The following PDZRN4 variants were observed in gnomAD, a reference collection of about 807,000 sequenced individuals.
PDZRN4 encodes PDZ domain-containing RING finger protein 4.
A neutral mutation model predicts 99.0 loss-of-function variants in PDZRN4; 70 were observed. That is an observed-to-expected ratio of 0.71 (90% CI 0.58 to 0.86). The LOEUF (loss-of-function observed/expected upper bound fraction) is 0.86. Among genes scored for constraint, PDZRN4 ranks in the 40% least tolerant of loss-of-function variants. The pLI, the probability that PDZRN4 is intolerant of heterozygous loss-of-function variation, is 0.00. For missense variants in PDZRN4, 1,474 were observed against 1,331.2 expected (o/e 1.11, Z -1.67); for synonymous variants, 551 against 501.6 (o/e 1.10, Z -1.32).
chr12:41,284,188 G>T (rs1951407043), intron 3 of PDZRN4, among the ~76,000 whole-genome samples: 1 of 152,002 alleles, frequency 6.6e-6, no homozygotes, highest in Non-Finnish European at 1.5e-5. Context: ...AATGTGCAAA[G>T]AAATTACTAG....
At chr12:41,363,213 A>G (rs947774396) in intron 3 of PDZRN4, among the ~76,000 whole-genome samples, 1 of 152,088 alleles carries the variant, frequency 6.6e-6, no homozygotes, top group African/African-American at 2.4e-5. Flanking sequence ...GTAATTTTCT[A>G]CTACTAAATG....
chr12:41,466,274 C>T (rs529027521), intron 3 of PDZRN4, among the ~76,000 whole-genome samples: 1 of 152,270 alleles, frequency 6.6e-6, no homozygotes, highest in South Asian at 2.1e-4. Flanking sequence ...TATTGGTGTG[C>T]TCCTCATGAT....
chr12:41,308,206 CT>C (rs1951584518), intron 3 of PDZRN4, among the ~76,000 whole-genome samples: 2 of 151,940 alleles, frequency 1.3e-5, no homozygotes, highest in South Asian at 4.2e-4. Flanking sequence ...AAAAATACTT[CT>C]GGCCTCATTG....
intron 3 of PDZRN4, among the ~76,000 whole-genome samples, chr12:41,228,163 T>C (rs1010640434): frequency 1.3e-5 from 2 of 152,140 alleles, no homozygotes; most frequent in Non-Finnish European, 2.9e-5. Context: ...TACAGAACGT[T>C]ATGAACAATC....
intron 3 of PDZRN4, among the ~76,000 whole-genome samples, chr12:41,297,825 AACTG>A (rs1487830105): frequency 4.6e-5 from 7 of 152,246 alleles, no homozygotes; most frequent in South Asian, 4.2e-4. Flanking sequence ...AAATTAACCA[AACTG>A]ACTATTAGGC....
intron 8 of PDZRN4, among the ~76,000 whole-genome samples, chr12:41,565,460 A>G (rs1939351101): frequency 6.6e-6 from 1 of 151,152 alleles, no homozygotes; most frequent in Non-Finnish European, 1.5e-5. Context: ...AAAAAAAAAA[A>G]TCTTGTCTTT....
chr12:41,406,989 AG>A (rs1952355286), intron 3 of PDZRN4, among the ~76,000 whole-genome samples: 1 of 152,206 alleles, frequency 6.6e-6, no homozygotes, highest in Non-Finnish European at 1.5e-5. Flanking sequence ...TGCACTGACA[AG>A]AAATGCTACA....
intron 3 of PDZRN4, among the ~76,000 whole-genome samples, chr12:41,252,697 G>T (rs1951178971): frequency 6.6e-6 from 1 of 152,032 alleles, no homozygotes; most frequent in Non-Finnish European, 1.5e-5. Context: ...TTGAGATTGG[G>T]CCACTGCACT....
At position 41,350,339 on chromosome 12, in the gene PDZRN4, G is replaced by T. The variant is rs571444321; in HGVS notation, c.844-156117G>T. On this transcript the variant is annotated intron_variant, in intron 3 of 9. Transcript: ENST00000402685. ...TTTTTCATCAACCTGTAATGCTTGTGACTTTGTTGCCTAGACAAGATGGCA... is the reference window on the plus strand; with the variant it reads ...TTTTTCATCAACCTGTAATGCTTGTTACTTTGTTGCCTAGACAAGATGGCA... Among the ~76,000 whole-genome samples the T allele has an allele frequency of 3.9e-5, 6 of 152,146 alleles. 2 individuals carry two copies. The highest frequency in any genetic ancestry group is 1.4e-4 in the African/African-American group (6 of 41,552).
chr12:41,564,478 G>A lies in PDZRN4; in HGVS notation c.1467+829G>A, dbSNP rs537169598. On this transcript the variant is annotated intron_variant, in intron 8 of 9. Coordinates refer to ENST00000402685, the MANE Select transcript of PDZRN4 (RefSeq NM_001164595.2). ...TAGTTTGAATAAAGTTAGTTATATC[G>A]CCATTTGTCTCCTCGGTTATTGATA... 3.4e-4 allele frequency among the ~76,000 whole-genome samples: 52 copies of A among 152,170 alleles called. No homozygotes were observed. The South Asian group carries it at 8.7e-3, about 25-fold the overall frequency.
intron 3 of PDZRN4, among the ~76,000 whole-genome samples, chr12:41,418,087 C>G (rs1952458835): frequency 6.6e-6 from 1 of 151,790 alleles, no homozygotes; most frequent in Non-Finnish European, 1.5e-5. Flanking sequence ...TTATGCAGTT[C>G]TAATAGGATT....
chr12:41,436,647 G>C (rs1400768309), intron 3 of PDZRN4, among the ~76,000 whole-genome samples: 1 of 152,140 alleles, frequency 6.6e-6, no homozygotes, highest in Non-Finnish European at 1.5e-5. Context: ...GGGAACAAAA[G>C]GAATTTTCTT....
intron 3 of PDZRN4, among the ~76,000 whole-genome samples, chr12:41,280,389 G>A (rs1314012985): frequency 4.6e-5 from 7 of 152,170 alleles, no homozygotes; most frequent in Non-Finnish European, 8.8e-5. Flanking sequence ...TGGAAAGGGA[G>A]CTGAAGCCAG....
chr12:41,561,424 A>G (rs563929173), intron 7 of PDZRN4, among the ~76,000 whole-genome samples: 8 of 151,828 alleles, frequency 5.3e-5, no homozygotes, highest in Non-Finnish European at 1.2e-4. Flanking sequence ...CGACTCATGT[A>G]ATCCTTATAA....
intron 3 of PDZRN4, among the ~76,000 whole-genome samples, chr12:41,482,728 C>T (rs1379888666): frequency 6.6e-6 from 1 of 151,974 alleles, no homozygotes; most frequent in Non-Finnish European, 1.5e-5. Flanking sequence ...AGCTGAGTCT[C>T]AGAGAAGAAC....
chr12:41,220,066 G>A (rs1950944819), intron 3 of PDZRN4, among the ~76,000 whole-genome samples: 2 of 152,194 alleles, frequency 1.3e-5, no homozygotes, highest in South Asian at 2.1e-4. Context: ...AGCTCCAAGA[G>A]GGTATGAAGA....
In PDZRN4 at chr12:41,188,538, C is replaced by T. The variant is rs1270234755; in HGVS notation, c.83C>T (p.Pro28Leu). The T allele has an allele frequency of 3.8e-6, 6 of 1,575,088 alleles. No individual in the cohort carries two copies. The African/African-American group carries it at 6.7e-5, about 18-fold the overall frequency. ...CTGTGCGGCCAGGTGCTTGAAGAGC[C>T]CCTGTGCACGCCGTGCGGGCACGTC... ...CKLCGQVLEE[P>L]LCTPCGHVFC... The change falls in exon 1 of 10, where the codon CCC becomes CTC. Residue 28 changes from proline to leucine, a missense_variant. Physicochemically the swap from Pro to Leu is moderately conservative, Grantham distance 98. Transcript: ENST00000402685.
chr12:41,286,270 A>C (rs750827015), intron 3 of PDZRN4, among the ~76,000 whole-genome samples: 3 of 151,216 alleles, frequency 2.0e-5, no homozygotes, highest in Admixed American at 6.6e-5. Context: ...TAAGATAGAC[A>C]CTAAAGAAGA....
intron 3 of PDZRN4, among the ~76,000 whole-genome samples, chr12:41,322,543 T>C (rs1489192087): frequency 7.7e-6 from 1 of 130,608 alleles, no homozygotes; most frequent in African/African-American, 2.9e-5. Flanking sequence ...CAGGCTGGAG[T>C]TCAGTGGCAG....
Sources: allele counts gnomAD v4.1 joint callset (sites outside exome capture counted in the v4.1 genomes callset), GRCh38; gene constraint gnomAD v4.1.1; transcripts MANE v1.5; gene names NCBI Gene and HGNC (gene_info 2026-07-23, HGNC 2026-07-21).